The following SLC4A10 variants were observed in gnomAD, a reference collection of about 807,000 sequenced individuals.
SLC4A10 encodes the protein solute carrier family 4 member 10.
A neutral mutation model predicts 137.7 loss-of-function variants in SLC4A10; 42 were observed. The observed-to-expected ratio is 0.30, with a 90% CI of 0.24 to 0.39. The LOEUF (loss-of-function observed/expected upper bound fraction) is 0.39, where lower values mean the gene tolerates loss of function less well. SLC4A10 is among the 10% of genes least tolerant of loss of function. The probability of loss-of-function intolerance (pLI) is 1.00; values close to 1 mark genes in which losing one functional copy is unlikely to be tolerated. For synonymous variants in SLC4A10, 474 were observed against 464.1 expected (o/e 1.02, Z -0.27); for missense variants, 925 against 1,355.0 (o/e 0.68, Z 4.98).
intron 1 of SLC4A10, chr2:161,708,642 G>A (rs2043945563): frequency 6.9e-7 from 1 of 1,458,110 alleles, no homozygotes; most frequent in African/African-American, 1.4e-5. Context: ...CTTGATGATG[G>A]CTTAAACAGA....
intron 1 of SLC4A10, among the ~76,000 whole-genome samples, chr2:161,758,421 G>C (rs1479355082): frequency 6.6e-6 from 1 of 151,756 alleles, no homozygotes; most frequent in East Asian, 1.9e-4. Flanking sequence ...AAATCTTGAA[G>C]TTTCCCAATT....
At chr2:161,939,838 T>C (rs1332379645) in intron 15 of SLC4A10, among the ~76,000 whole-genome samples, 1 of 152,082 alleles carries the variant, frequency 6.6e-6, no homozygotes, top group African/African-American at 2.4e-5. Context: ...TATAAAAATA[T>C]AGAAATCTTT....
At chr2:161,700,275 G>A (rs1333446968) in intron 1 of SLC4A10, among the ~76,000 whole-genome samples, 1 of 152,132 alleles carries the variant, frequency 6.6e-6, no homozygotes, top group African/African-American at 2.4e-5. Flanking sequence ...GTTTTGGACA[G>A]GTAGAAAATA....
intron 1 of SLC4A10, among the ~76,000 whole-genome samples, chr2:161,690,452 C>T (rs2041865080): frequency 6.6e-6 from 1 of 152,016 alleles, no homozygotes; most frequent in Non-Finnish European, 1.5e-5. Flanking sequence ...GGCTACATAC[C>T]CAAAGGAATA....
intron 1 of SLC4A10, among the ~76,000 whole-genome samples, chr2:161,744,662 CAACTT>C (rs1477813297): frequency 6.6e-6 from 1 of 151,974 alleles, no homozygotes; most frequent in Non-Finnish European, 1.5e-5. Flanking sequence ...CAATGGATGA[CAACTT>C]AACTCTGACT....
intron 1 of SLC4A10, among the ~76,000 whole-genome samples, chr2:161,635,283 G>C (rs981491648): frequency 5.9e-5 from 9 of 152,042 alleles, no homozygotes; most frequent in Non-Finnish European, 1.0e-4. Flanking sequence ...TTTGATGAGA[G>C]GAATGTGTAG....
chr2:161,955,814 A>G (rs1039481631), intron 19 of SLC4A10, among the ~76,000 whole-genome samples: 4 of 152,170 alleles, frequency 2.6e-5, no homozygotes, highest in Non-Finnish European at 4.4e-5. Flanking sequence ...AAAAAAGACT[A>G]TTATTCTCCT....
At chr2:161,825,154 A>G (rs1575144370) in intron 3 of SLC4A10, among the ~76,000 whole-genome samples, 1 of 152,334 alleles carries the variant, frequency 6.6e-6, no homozygotes, top group East Asian at 1.9e-4. Context: ...ACAGTAGGCT[A>G]TTAGTAGTTA....
chr2:161,976,060 C>T (rs192771477), intron 24 of SLC4A10, among the ~76,000 whole-genome samples: 5 of 152,286 alleles, frequency 3.3e-5, no homozygotes, highest in Admixed American at 1.3e-4. Context: ...AATGGACATG[C>T]GGAACCCATT....
chr2:161,918,986 C>G (rs963471449), intron 15 of SLC4A10, among the ~76,000 whole-genome samples: 1 of 152,174 alleles, frequency 6.6e-6, no homozygotes, highest in Admixed American at 6.5e-5. Context: ...CCTGGAAAGC[C>G]CCCTCCCCCC....
chr2:161,847,746 G>C (rs191347541), intron 4 of SLC4A10, among the ~76,000 whole-genome samples: 1 of 152,082 alleles, frequency 6.6e-6, no homozygotes, highest in Admixed American at 6.6e-5. Context: ...TGGTGTATAT[G>C]TACTACATTT....
At chr2:161,960,729 GAA>G (rs113428226) in intron 21 of SLC4A10, among the ~76,000 whole-genome samples, 2 of 132,854 alleles carry the variant, frequency 1.5e-5, no homozygotes, top group African/African-American at 5.5e-5. Flanking sequence ...CAAAAAAAAA[GAA>G]AAAAAAAAAA....
intron 4 of SLC4A10, among the ~76,000 whole-genome samples, chr2:161,847,010 G>A (rs2059537462): frequency 6.6e-6 from 1 of 151,596 alleles, no homozygotes; most frequent in Admixed American, 6.6e-5. Context: ...GCTAAGGCAG[G>A]AGGATTACTT....
chr2:161,635,627 C>T (rs910388698), intron 1 of SLC4A10, among the ~76,000 whole-genome samples: 31 of 152,224 alleles, frequency 2.0e-4, no homozygotes, highest in African/African-American at 7.5e-4. Flanking sequence ...GATCTTGATT[C>T]CACTTGCTTA....
chr2:161,915,371 T>C (rs1380172848), intron 15 of SLC4A10, among the ~76,000 whole-genome samples: 3 of 152,222 alleles, frequency 2.0e-5, no homozygotes, highest in African/African-American at 7.2e-5. Flanking sequence ...TGGAAAAGAA[T>C]TCACAACATG....
At chr2:161,683,753 T>C (rs2041109801) in intron 1 of SLC4A10, among the ~76,000 whole-genome samples, 1 of 152,204 alleles carries the variant, frequency 6.6e-6, no homozygotes, top group Non-Finnish European at 1.5e-5. Flanking sequence ...AATGTTATCA[T>C]TTTGTAACAT....
chr2:161,638,204 C>G (rs2034732123), intron 1 of SLC4A10, among the ~76,000 whole-genome samples: 1 of 152,050 alleles, frequency 6.6e-6, no homozygotes, highest in South Asian at 2.1e-4. Context: ...AATCCTTGCC[C>G]AGACCAATAT....
At chr2:161,736,831 C>T (rs953465049) in intron 1 of SLC4A10, among the ~76,000 whole-genome samples, 4 of 152,002 alleles carry the variant, frequency 2.6e-5, no homozygotes, top group African/African-American at 9.7e-5. Flanking sequence ...TCTTAAACAT[C>T]CTTATAAATG....
intron 15 of SLC4A10, among the ~76,000 whole-genome samples, chr2:161,930,929 GTTTTGTTTTA>G (rs372019180): frequency 0.054 from 8,078 of 149,664 alleles, 340 homozygotes; most frequent in African/African-American, 0.12. Flanking sequence ...GTTTTGTTTT[GTTTTGTTTTA>G]TTTTGTTTTT....
Sources: allele counts gnomAD v4.1 joint callset (sites outside exome capture counted in the v4.1 genomes callset), GRCh38; gene constraint gnomAD v4.1.1; transcripts MANE v1.5; gene names NCBI Gene and HGNC (gene_info 2026-07-23, HGNC 2026-07-21).